OTOP1: variants seen among roughly 807,000 people sequenced by gnomAD.
OTOP1 encodes the protein otopetrin 1.
A neutral mutation model predicts 52.9 loss-of-function variants in OTOP1; 59 were observed. The ratio of observed to expected loss-of-function variants is 1.12; its 90% CI spans 0.91 to 1.39. OTOP1 has a LOEUF of 1.39. Among genes scored for constraint, OTOP1 ranks in the 40% most tolerant of loss-of-function variants. The pLI is 0.00. For synonymous variants in OTOP1, 317 were observed against 337.7 expected (o/e 0.94, Z 0.67); for missense variants, 761 against 800.9 (o/e 0.95, Z 0.60).
chr4:4,209,730 G>A (rs1716983700), intron 2 of OTOP1, among the ~76,000 whole-genome samples: 2 of 152,282 alleles, frequency 1.3e-5, no homozygotes, highest in East Asian at 3.9e-4. Flanking sequence ...ACGGCCCAGA[G>A]AAGTTAAGTA....
intron 1 of OTOP1, among the ~76,000 whole-genome samples, chr4:4,219,202 T>G (rs900950040): frequency 6.6e-6 from 1 of 152,156 alleles, no homozygotes; most frequent in African/African-American, 2.4e-5. Context: ...ATAGGAAGAC[T>G]GAATTAAAAA....
At position 4,202,561 on chromosome 4, in the gene OTOP1, G is replaced by T. The variant is rs150117288; in HGVS notation, c.617C>A (p.Ser206Ter). 1 of 1,613,996 alleles carries T rather than the reference G, an allele frequency of 6.2e-7. No homozygotes were observed. Among genetic ancestry groups the T allele is most frequent in the Admixed American group, 1.7e-5 (1 of 60,020 alleles). The change falls in exon 4 of 6, where the codon TCG (serine) becomes TAG (stop). Residue 206 changes from serine (S) to a stop codon, truncating the protein, a stop_gained. Coordinates refer to ENST00000296358, the MANE Select transcript of OTOP1 (RefSeq NM_177998.3). LOFTEE classifies it high-confidence loss of function. Reference sequence around the variant, plus strand: ...CCACAGAAGCAGGTTGGTGAACACCGAGTGGATCACTCCAAACCTGAAAAA... The same window carrying T: ...CCACAGAAGCAGGTTGGTGAACACCTAGTGGATCACTCCAAACCTGAAAAA... ...KTLERFGVIH[S>*]VFTNLLLWAN...
At chr4:4,206,761 G>C (rs1222084868) in intron 2 of OTOP1, among the ~76,000 whole-genome samples, 1 of 152,166 alleles carries the variant, frequency 6.6e-6, no homozygotes, top group Non-Finnish European at 1.5e-5. Flanking sequence ...TGCTGAATCT[G>C]TTTTCCCACA....
At chr4:4,190,728 G>A (rs1243443171) in intron 5 of OTOP1, among the ~76,000 whole-genome samples, 2 of 152,108 alleles carry the variant, frequency 1.3e-5, no homozygotes, top group Non-Finnish European at 2.9e-5. Context: ...TATCCACCAC[G>A]GGGACCCTGG....
intron 3 of OTOP1, among the ~76,000 whole-genome samples, chr4:4,202,801 C>A (rs192722661): frequency 6.6e-6 from 1 of 152,262 alleles, no homozygotes; most frequent in African/African-American, 2.4e-5. Flanking sequence ...TAGTCTTGAA[C>A]TTGCCAGTAC....
intron 3 of OTOP1, among the ~76,000 whole-genome samples, chr4:4,205,425 C>G (rs1716880705): frequency 6.6e-6 from 1 of 152,192 alleles, no homozygotes; most frequent in Non-Finnish European, 1.5e-5. Context: ...TGCTACCTCC[C>G]CTTCCTTTCC....
intron 1 of OTOP1, among the ~76,000 whole-genome samples, chr4:4,214,403 A>C (rs1195918545): frequency 6.6e-6 from 1 of 152,216 alleles, no homozygotes; most frequent in African/African-American, 2.4e-5. Flanking sequence ...AGGGCCTTCA[A>C]AAAATTCAAA....
At chr4:4,193,102 A>G (rs891722896) in intron 5 of OTOP1, among the ~76,000 whole-genome samples, 4 of 152,190 alleles carry the variant, frequency 2.6e-5, no homozygotes, top group Admixed American at 1.3e-4. Context: ...CTCTCAGTGT[A>G]GACCCTTCCA....
chr4:4,211,147 G>C (rs1717017658), intron 2 of OTOP1, among the ~76,000 whole-genome samples: 1 of 152,164 alleles, frequency 6.6e-6, no homozygotes, highest in Non-Finnish European at 1.5e-5. Flanking sequence ...GAATGTGTTT[G>C]ATCTAGAGAA....
chr4:4,193,986 G>A (rs1345513884), intron 5 of OTOP1, among the ~76,000 whole-genome samples: 3 of 152,120 alleles, frequency 2.0e-5, no homozygotes, highest in Non-Finnish European at 2.9e-5. Context: ...TTAGGAGTTC[G>A]AGACCACCCT....
chr4:4,210,149 C>T (rs997259298), intron 2 of OTOP1, among the ~76,000 whole-genome samples: 2 of 152,166 alleles, frequency 1.3e-5, no homozygotes, highest in Non-Finnish European at 2.9e-5. Context: ...CCTTGTATTC[C>T]CCATGCTGAG....
intron 1 of OTOP1, among the ~76,000 whole-genome samples, chr4:4,221,003 T>C (rs1483316194): frequency 2.0e-5 from 3 of 152,190 alleles, no homozygotes; most frequent in South Asian, 4.1e-4. Flanking sequence ...TACCCTACCA[T>C]CACCAGCTGG....
intron 4 of OTOP1, among the ~76,000 whole-genome samples, chr4:4,199,351 G>T (rs1364964330): frequency 1.3e-5 from 2 of 151,516 alleles, no homozygotes; most frequent in South Asian, 4.2e-4. Flanking sequence ...ATACTAAACA[G>T]CCACTGCACA....
chr4:4,199,643 G>A (rs950227194), intron 4 of OTOP1, among the ~76,000 whole-genome samples: 1 of 152,124 alleles, frequency 6.6e-6, no homozygotes, highest in African/African-American at 2.4e-5. Flanking sequence ...GAACTCCTGA[G>A]CTCATGAGAT....
At chr4:4,219,791 A>G (rs1717236449) in intron 1 of OTOP1, among the ~76,000 whole-genome samples, 2 of 149,088 alleles carry the variant, frequency 1.3e-5, no homozygotes, top group South Asian at 4.2e-4. Context: ...GCACATATAT[A>G]TGTATAAATA....
chr4:4,202,735 T>A (rs951449696), intron 3 of OTOP1, among the ~76,000 whole-genome samples, 157 bp from the exon 4 acceptor site: 1 of 152,246 alleles, frequency 6.6e-6, no homozygotes, highest in Admixed American at 6.5e-5. Context: ...CCTGCCTGGC[T>A]GGGTGGGGCA....
intron 3 of OTOP1, among the ~76,000 whole-genome samples, chr4:4,203,868 G>C (rs1716841618): frequency 6.6e-6 from 1 of 152,246 alleles, no homozygotes. Flanking sequence ...TCCCCTGCCT[G>C]GCTGGGTGGG....
At position 4,206,134 on chromosome 4, in the gene OTOP1, G is replaced by A. The variant is rs1433701796; in HGVS notation, c.541-4C>T. ...CATGCCCCCAAAGAAAATATACCTA[G>A]ATGGAAATAAAGAAAGAAAAGAAAA... On this transcript the variant is annotated splice_region_variant and splice_polypyrimidine_tract_variant and intron_variant, in intron 2 of 5. Coordinates refer to ENST00000296358, the MANE Select transcript of OTOP1 (RefSeq NM_177998.3). The A allele has an allele frequency of 6.3e-7, 1 of 1,597,994 alleles. No individual in the cohort carries two copies.
intron 1 of OTOP1, among the ~76,000 whole-genome samples, chr4:4,222,476 G>A (rs1358696369): frequency 6.6e-6 from 1 of 152,110 alleles, no homozygotes; most frequent in Non-Finnish European, 1.5e-5. Context: ...AGGAGGATGA[G>A]ACCCTCCACA....
Sources: gnomAD v4.1 joint callset for allele counts (sites outside exome capture counted in the v4.1 genomes callset) on GRCh38, gnomAD v4.1.1 for gene constraint, MANE v1.5 for transcripts, NCBI Gene and HGNC (gene_info 2026-07-23, HGNC 2026-07-21) for gene names.